Variants in CCDC192 observed in about 807,000 individuals in gnomAD.
The protein encoded by CCDC192 is coiled-coil domain containing 192, also known as coiled-coil domain-containing protein 192.
chr5:127,765,943 C>A (rs1755199057), intron 3 of CCDC192, among the ~76,000 whole-genome samples: 1 of 152,202 alleles, frequency 6.6e-6, no homozygotes, highest in African/African-American at 2.4e-5. Flanking sequence ...TCTAAGCTCC[C>A]TGAGTCTGTT....
At position 127,802,150 on chromosome 5, in the gene CCDC192, T is replaced by C. The variant is rs1032066734; in HGVS notation, c.411+3988T>C. 2.0e-5 allele frequency among the ~76,000 whole-genome samples: 3 copies of C among 152,346 alleles called. No individual in the cohort carries two copies. The East Asian group carries it at 5.8e-4, about 29-fold the overall frequency. ...CACTACACTTTGTTGACATTATCTG[T>C]TTATATATCCGTTACCCACTAGACT... is the stretch of plus-strand genomic sequence containing the variant. On this transcript the variant is annotated intron_variant, in intron 5 of 6. Coordinates refer to ENST00000514853, the MANE Select transcript of CCDC192 (RefSeq NM_001317938.2).
intron 5 of CCDC192, among the ~76,000 whole-genome samples, chr5:127,851,385 T>C (rs1561522944): frequency 6.6e-6 from 1 of 152,318 alleles, no homozygotes; most frequent in East Asian, 1.9e-4. Flanking sequence ...GAATATCAAC[T>C]ATTTATGATA....
At chr5:127,733,641 C>T (rs549790226) in intron 2 of CCDC192, among the ~76,000 whole-genome samples, 55 of 152,196 alleles carry the variant, frequency 3.6e-4, no homozygotes, top group Admixed American at 2.7e-3. Flanking sequence ...GGAGGCTACA[C>T]GCAATTATCT....
intron 5 of CCDC192, among the ~76,000 whole-genome samples, chr5:127,870,796 T>C (rs1460312926): frequency 6.6e-6 from 1 of 152,238 alleles, no homozygotes; most frequent in Non-Finnish European, 1.5e-5. Flanking sequence ...ACGAAACATG[T>C]AAAATTGACT....
intron 6 of CCDC192, among the ~76,000 whole-genome samples, chr5:127,883,886 G>A (rs116798612): frequency 9.9e-5 from 15 of 152,204 alleles, no homozygotes; most frequent in South Asian, 6.2e-4. Context: ...TGTATGAGCC[G>A]CTCAGGCTGG....
At chr5:127,896,616 T>C (rs1160220041) in intron 6 of CCDC192, among the ~76,000 whole-genome samples, 2 of 152,082 alleles carry the variant, frequency 1.3e-5, no homozygotes, top group Admixed American at 6.5e-5. Flanking sequence ...TTTTTGTTTT[T>C]TGTATTTTTA....
chr5:127,926,820 G>A (rs1020802420), intron 6 of CCDC192, among the ~76,000 whole-genome samples: 5 of 152,144 alleles, frequency 3.3e-5, no homozygotes, highest in African/African-American at 1.2e-4. Flanking sequence ...GACCTATAGA[G>A]AGGGAAAAGA....
intron 6 of CCDC192, among the ~76,000 whole-genome samples, chr5:127,934,703 G>A (rs936578258): frequency 3.3e-5 from 5 of 152,148 alleles, no homozygotes; most frequent in South Asian, 2.1e-4. Flanking sequence ...ATTTGCAAAC[G>A]TTCACTGTAA....
At chr5:127,788,904 G>A (rs987093863) in intron 3 of CCDC192, among the ~76,000 whole-genome samples, 11 of 152,112 alleles carry the variant, frequency 7.2e-5, no homozygotes, top group Non-Finnish European at 8.8e-5. Flanking sequence ...AATTAAGGTC[G>A]TGAGGTTGGA....
chr5:127,915,566 A>G (rs1270507175), intron 6 of CCDC192, among the ~76,000 whole-genome samples: 1 of 152,196 alleles, frequency 6.6e-6, no homozygotes, highest in East Asian at 1.9e-4. Context: ...TATTTTGAGT[A>G]GAGACAGGGT....
chr5:127,705,126 C>T, intron 1 of CCDC192, among the ~76,000 whole-genome samples: 1 of 152,218 alleles, frequency 6.6e-6, no homozygotes, highest in East Asian at 1.9e-4. Context: ...ACTTTATAAA[C>T]ATATTTGTTA....
intron 3 of CCDC192, among the ~76,000 whole-genome samples, chr5:127,789,631 C>G (rs1374351904): frequency 6.6e-6 from 1 of 152,174 alleles, no homozygotes; most frequent in African/African-American, 2.4e-5. Flanking sequence ...GAAACACGGA[C>G]CTAATCAGTA....
chr5:127,828,482 C>T (rs1749638135), intron 5 of CCDC192, among the ~76,000 whole-genome samples: 1 of 152,194 alleles, frequency 6.6e-6, no homozygotes, highest in Non-Finnish European at 1.5e-5. Context: ...AATACTTAGT[C>T]ATCATCTGTT....
At chr5:127,753,688 GAAA>G (rs71575707) in intron 2 of CCDC192, among the ~76,000 whole-genome samples, 17 of 124,358 alleles carry the variant, frequency 1.4e-4, no homozygotes, top group African/African-American at 2.2e-4. Context: ...ACTCTGCCTG[GAAA>G]AAAAAAAAAA....
At chr5:127,867,395 A>G (rs745472338) in intron 5 of CCDC192, among the ~76,000 whole-genome samples, 2 of 152,242 alleles carry the variant, frequency 1.3e-5, no homozygotes, top group Non-Finnish European at 2.9e-5. Context: ...CAGCACTTTC[A>G]CTAAGCAGGT....
chr5:127,729,453 C>T (rs918502409), intron 2 of CCDC192, among the ~76,000 whole-genome samples: 5 of 151,252 alleles, frequency 3.3e-5, no homozygotes, highest in Admixed American at 6.6e-5. Flanking sequence ...AGACAGATCA[C>T]AGATCATAGT....
At chr5:127,754,539 C>G (rs1358802027) in intron 3 of CCDC192, among the ~76,000 whole-genome samples, 164 bp downstream of exon 3, 1 of 151,636 alleles carries the variant, frequency 6.6e-6, no homozygotes, top group Non-Finnish European at 1.5e-5. Flanking sequence ...CCACCCCACA[C>G]ACACACAGCA....
At chr5:127,762,878 T>A (rs1421485472) in intron 3 of CCDC192, among the ~76,000 whole-genome samples, 1 of 152,254 alleles carries the variant, frequency 6.6e-6, no homozygotes, top group African/African-American at 2.4e-5. Context: ...AGGTATATGC[T>A]TTTGTTCAAT....
chr5:127,794,721 G>A (rs192591665), intron 3 of CCDC192, among the ~76,000 whole-genome samples: 10 of 152,146 alleles, frequency 6.6e-5, no homozygotes, highest in Admixed American at 2.6e-4. Flanking sequence ...GATGTCTTTT[G>A]AGTGAATGAA....
Sources: gnomAD v4.1 joint callset for allele counts (sites outside exome capture counted in the v4.1 genomes callset) on GRCh38, gnomAD v4.1.1 for gene constraint, MANE v1.5 for transcripts, NCBI Gene and HGNC (gene_info 2026-07-23, HGNC 2026-07-21) for gene names.